Variants in CRIM1 observed in about 807,000 individuals in gnomAD.
CRIM1 encodes the protein cysteine-rich motor neuron 1 protein.
CRIM1 carries 32 observed loss-of-function variants against 116.4 expected under a neutral mutation model. The observed-to-expected ratio is 0.27, with a 90% CI of 0.21 to 0.37. The LOEUF (loss-of-function observed/expected upper bound fraction) is 0.37. Among genes scored for constraint, CRIM1 ranks in the 10% least tolerant of loss-of-function variants. CRIM1 has a pLI of 1.00. For synonymous variants in CRIM1, 590 were observed against 509.2 expected (o/e 1.16, Z -2.13); for missense variants, 1,331 against 1,354.8 (o/e 0.98, Z 0.28).
chr2:36,435,651 A>G (rs1174467810), intron 2 of CRIM1, among the ~76,000 whole-genome samples: 1 of 151,788 alleles, frequency 6.6e-6, no homozygotes, highest in African/African-American at 2.4e-5. Flanking sequence ...AATGGCAAAA[A>G]CAGCGATTGC....
chr2:36,531,503 G>A (rs997719111), intron 13 of CRIM1, among the ~76,000 whole-genome samples: 1 of 151,474 alleles, frequency 6.6e-6, no homozygotes, highest in Admixed American at 6.6e-5. Context: ...ATACTAAATT[G>A]GATCTTTGTA....
intron 1 of CRIM1, among the ~76,000 whole-genome samples, chr2:36,389,607 T>C (rs540646598): frequency 1.3e-5 from 2 of 152,318 alleles, no homozygotes; most frequent in South Asian, 2.1e-4. Flanking sequence ...TATAATAGGA[T>C]GCAGCCATCT....
At chr2:36,513,484 T>C in intron 10 of CRIM1, 72 bp from the exon 11 acceptor site, 3 of 1,227,318 alleles carry the variant, frequency 2.4e-6, no homozygotes, top group Non-Finnish European at 3.6e-6. Context: ...GTCCAGTCCA[T>C]GTACAGACTC....
chr2:36,449,883 C>CA (rs11430812), intron 4 of CRIM1, among the ~76,000 whole-genome samples: 112,923 of 149,936 alleles, frequency 0.75, 42,883 homozygotes, highest in African/African-American at 0.87. Context: ...AAAAACAAAA[C>CA]AAAAAAAAAC....
In CRIM1 at chr2:36,499,205, C is replaced by G; in HGVS notation, c.1373-14C>G. The G allele has an allele frequency of 6.3e-7, 1 of 1,595,790 alleles. No homozygotes were observed. Among genetic ancestry groups the G allele is most frequent in the Non-Finnish European group, 8.6e-7 (1 of 1,166,980 alleles). On this transcript the variant is annotated splice_polypyrimidine_tract_variant and intron_variant, in intron 7 of 16. Transcript: ENST00000280527. The stretch of plus-strand genomic sequence containing the variant: ...TATGTTTCATTGGTTATTTTTTTCT[C>G]TATTTATTATTAGAACCAACCATCA...
intron 14 of CRIM1, among the ~76,000 whole-genome samples, chr2:36,541,450 G>C (rs1666936870): frequency 6.6e-6 from 1 of 152,160 alleles, no homozygotes; most frequent in African/African-American, 2.4e-5. Context: ...CTGAGGCTCA[G>C]GAAAGGTAAG....
chr2:36,499,195 AT>A (rs769261151), intron 7 of CRIM1, 23 bp from the exon 8 acceptor site: 7 of 1,584,796 alleles, frequency 4.4e-6, no homozygotes, highest in African/African-American at 2.7e-5. Flanking sequence ...TTCATTGGTT[AT>A]TTTTTTCTCT....
chr2:36,359,657 A>G (rs1669092454), intron 1 of CRIM1, among the ~76,000 whole-genome samples: 1 of 152,216 alleles, frequency 6.6e-6, no homozygotes, highest in South Asian at 2.1e-4. Context: ...TGTCCTGTGC[A>G]CCATGTGAGA....
At chr2:36,424,606 C>A (rs1318624614) in intron 2 of CRIM1, among the ~76,000 whole-genome samples, 1 of 152,166 alleles carries the variant, frequency 6.6e-6, no homozygotes, top group African/African-American at 2.4e-5. Flanking sequence ...CATCACTCTC[C>A]TTTTACTTTT....
chr2:36,443,364 A>G (rs1676005986), intron 4 of CRIM1, among the ~76,000 whole-genome samples: 1 of 152,098 alleles, frequency 6.6e-6, no homozygotes, highest in South Asian at 2.1e-4. Flanking sequence ...TTTTTAGTCT[A>G]CAAAGCACCA....
At chr2:36,422,848 T>C (rs1209826936) in intron 2 of CRIM1, among the ~76,000 whole-genome samples, 1 of 152,190 alleles carries the variant, frequency 6.6e-6, no homozygotes, top group Non-Finnish European at 1.5e-5. Context: ...TGAAATTTGC[T>C]TTCTTAATTC....
chr2:36,374,038 G>A (rs184209645), intron 1 of CRIM1, among the ~76,000 whole-genome samples: 26 of 152,170 alleles, frequency 1.7e-4, no homozygotes, highest in East Asian at 3.9e-4. Flanking sequence ...TCTCCTCTTC[G>A]GCAGTTCCTA....
chr2:36,447,576 A>T (rs1009429767), intron 4 of CRIM1, among the ~76,000 whole-genome samples: 2 of 152,156 alleles, frequency 1.3e-5, no homozygotes, highest in African/African-American at 4.8e-5. Flanking sequence ...CCCTCTCCCT[A>T]CATGATGTCA....
chr2:36,493,319 T>G (rs372978916), intron 7 of CRIM1, among the ~76,000 whole-genome samples: 2 of 152,272 alleles, frequency 1.3e-5, no homozygotes, highest in African/African-American at 4.8e-5. Context: ...CAAAGAGGTT[T>G]TTCCAGAAAG....
intron 11 of CRIM1, among the ~76,000 whole-genome samples, chr2:36,516,966 T>C (rs1665068787): frequency 6.6e-6 from 1 of 152,204 alleles, no homozygotes; most frequent in South Asian, 2.1e-4. Flanking sequence ...CCAAGTATTC[T>C]GTAAATGAGA....
intron 14 of CRIM1, among the ~76,000 whole-genome samples, chr2:36,538,364 A>G (rs12623936): frequency 0.075 from 11,408 of 152,106 alleles, 1,110 homozygotes; most frequent in East Asian, 0.43. Flanking sequence ...CCGGTGGTAT[A>G]GACCACACAG....
At chr2:36,447,713 G>C (rs984107183) in intron 4 of CRIM1, among the ~76,000 whole-genome samples, 1 of 152,064 alleles carries the variant, frequency 6.6e-6, no homozygotes, top group Non-Finnish European at 1.5e-5. Flanking sequence ...TGGAAAGTAG[G>C]TTCCACTTCT....
At chr2:36,468,199 C>T (rs1009863240) in intron 5 of CRIM1, among the ~76,000 whole-genome samples, 20 of 152,194 alleles carry the variant, frequency 1.3e-4, no homozygotes, top group African/African-American at 4.8e-4. Flanking sequence ...CTGCCGCACT[C>T]ACTTCCTATG....
intron 4 of CRIM1, among the ~76,000 whole-genome samples, chr2:36,453,994 A>G (rs902144830): frequency 1.3e-5 from 2 of 152,220 alleles, no homozygotes; most frequent in African/African-American, 4.8e-5. Context: ...ATTCATGACA[A>G]TGTTGGGTTT....
Sources: gnomAD v4.1 joint callset for allele counts (sites outside exome capture counted in the v4.1 genomes callset) on GRCh38, gnomAD v4.1.1 for gene constraint, MANE v1.5 for transcripts, NCBI Gene and HGNC (gene_info 2026-07-23, HGNC 2026-07-21) for gene names.